The following KCTD3 variants were observed in gnomAD, a reference collection of about 807,000 sequenced individuals.
KCTD3 encodes potassium channel tetramerization domain containing 3.
In KCTD3, 41 loss-of-function variants were observed where a neutral mutation model predicts 85.8. The observed-to-expected ratio is 0.48, with a 90% CI of 0.37 to 0.62. The LOEUF is 0.62. Ranked by LOEUF, KCTD3 falls within the 20% of genes least tolerant of loss-of-function variation. KCTD3 has a pLI of 0.00. For missense variants in KCTD3, 724 were observed against 989.9 expected (o/e 0.73, Z 3.60); for synonymous variants, 338 against 345.4 (o/e 0.98, Z 0.24).
At chr1:215,592,791 C>A (rs1660275050) in intron 9 of KCTD3, among the ~76,000 whole-genome samples, 1 of 152,170 alleles carries the variant, frequency 6.6e-6, no homozygotes, top group African/African-American at 2.4e-5. Flanking sequence ...GCTGAACTCC[C>A]TTCATTATAA....
At chr1:215,619,586 T>G (rs1655584111) in intron 17 of KCTD3, among the ~76,000 whole-genome samples, 2 of 152,184 alleles carry the variant, frequency 1.3e-5, no homozygotes, top group African/African-American at 4.8e-5. Context: ...ACATGTCACC[T>G]TGGTTAGTAT....
intron 15 of KCTD3, among the ~76,000 whole-genome samples, chr1:215,615,979 C>T (rs1426757239): frequency 6.6e-6 from 1 of 152,140 alleles, no homozygotes; most frequent in Non-Finnish European, 1.5e-5. Flanking sequence ...CAGAACCCCT[C>T]TGTAGTGAGG....
At chr1:215,590,763 A>G (rs558211407) in intron 9 of KCTD3, among the ~76,000 whole-genome samples, 1 of 152,218 alleles carries the variant, frequency 6.6e-6, no homozygotes, top group East Asian at 1.9e-4. Context: ...TTAATTTGTT[A>G]AAGTATTTGT....
intron 8 of KCTD3, chr1:215,581,322 G>T (rs1229363453): frequency 2.0e-5 from 3 of 152,934 alleles, no homozygotes; most frequent in Non-Finnish European, 4.4e-5. Context: ...CATGGAAATT[G>T]TTTTTTGCAT....
chr1:215,619,417 T>C (rs1044975496), intron 17 of KCTD3, 126 bp downstream of exon 17: 2 of 802,946 alleles, frequency 2.5e-6, no homozygotes, highest in Non-Finnish European at 3.8e-6. Context: ...ATTCAGACAT[T>C]ATGTTAACTT....
At position 215,620,487 on chromosome 1, in the gene KCTD3, C is replaced by T; in HGVS notation, c.2317C>T (p.Leu773=). The change falls in exon 18 of 18, where the codon CTG becomes TTG. Residue 773 remains leucine, a synonymous_variant. Coordinates refer to ENST00000259154, the MANE Select transcript of KCTD3 (RefSeq NM_016121.5). ...GFLGRKKVPY[L]ASSPSTSDGG... Reference sequence around the variant, plus strand: ...CCTTGGAAGAAAGAAAGTTCCCTATCTGGCGTCATCACCAAGTACTTCCGA... The same window carrying T: ...CCTTGGAAGAAAGAAAGTTCCCTATTTGGCGTCATCACCAAGTACTTCCGA... 6.2e-7 allele frequency: 1 copy of T among 1,613,696 alleles called. No individual in the cohort carries two copies. The highest frequency in any genetic ancestry group is 1.1e-5 in the South Asian group (1 of 91,072).
intron 8 of KCTD3, among the ~76,000 whole-genome samples, chr1:215,584,945 A>G (rs573951724): frequency 7.2e-5 from 11 of 152,306 alleles, no homozygotes; most frequent in African/African-American, 2.6e-4. Flanking sequence ...AAAAGCTGCA[A>G]AATCTCGAAA....
intron 7 of KCTD3, among the ~76,000 whole-genome samples, 156 bp from the exon 8 acceptor site, chr1:215,579,753 C>T (rs1245486361): frequency 1.3e-5 from 2 of 152,180 alleles, no homozygotes; most frequent in Non-Finnish European, 1.5e-5. Flanking sequence ...CCGCCTCGGC[C>T]TCCCAAAGTG....
rs1173142632 is a variant in KCTD3, at chr1:215,604,314, T to C, written c.1309+12T>C. On this transcript the variant is annotated intron_variant, in intron 13 of 17. Transcript: ENST00000259154. ...GCATCTTGTATCAGGTAAAATGATT[T>C]CATTATACTGGTAAGGAACTTGGCT... The C allele has an allele frequency of 1.2e-6, 2 of 1,603,564 alleles. No individual in the cohort carries two copies. The highest frequency in any genetic ancestry group is 1.1e-5 in the South Asian group (1 of 90,722).
At position 215,620,553 on chromosome 1, in the gene KCTD3, A is replaced by C; in HGVS notation, c.2383A>C (p.Thr795Pro). The C allele has an allele frequency of 6.2e-7, 1 of 1,613,578 alleles. No homozygotes were observed. Among genetic ancestry groups the C allele is most frequent in the South Asian group, 1.1e-5 (1 of 90,964 alleles). Residue 795 changes from threonine (T) to proline (P), a missense_variant, in exon 18 of 18, where the codon ACA becomes CCA. Physicochemically the swap from Thr to Pro is conservative, Grantham distance 38. Around this residue, in one of 6 missense-constraint regions of KCTD3, gnomAD observed 222 missense variants for 217.7 expected, o/e 1.02. Coordinates refer to ENST00000259154, the MANE Select transcript of KCTD3 (RefSeq NM_016121.5). ...DSPGTASPSP[T>P]KTTPSPRHKK... ...ACCTGGTACTGCGTCCCCATCTCCT[A>C]CAAAGACTACTCCATCTCCTCGGCA...
chr1:215,582,055 TA>T (rs1659844873), intron 8 of KCTD3, among the ~76,000 whole-genome samples: 1 of 152,212 alleles, frequency 6.6e-6, no homozygotes, highest in Non-Finnish European at 1.5e-5. Flanking sequence ...TAACGAAGAG[TA>T]GTTGTGTGAA....
At chr1:215,579,834 GA>G (rs1161081295) in intron 7 of KCTD3, 74 bp from the exon 8 acceptor site, 1 of 1,016,588 alleles carries the variant, frequency 9.8e-7, no homozygotes, top group African/African-American at 1.6e-5. Flanking sequence ...GCAGAAGGCT[GA>G]AACTGGCCTG....
rs915570605 is a variant in KCTD3 at position 215,571,694 on chromosome 1, G to A, written c.84-2092G>A. 4.0e-5 allele frequency among the ~76,000 whole-genome samples: 6 copies of A among 150,516 alleles called. No individual in the cohort carries two copies. In the East Asian group the frequency reaches 5.9e-4, roughly 15 times the overall value. ...CGCCCATGCTGGAGTGCAGTGGCGC[G>A]ATCTCAGCTCACTGCCAGCTCCACC... On this transcript the variant is annotated intron_variant, in intron 1 of 17. Transcript: ENST00000259154.
chr1:215,619,710 C>A (rs561079956), intron 17 of KCTD3, among the ~76,000 whole-genome samples: 3 of 152,048 alleles, frequency 2.0e-5, no homozygotes, highest in Non-Finnish European at 4.4e-5. Context: ...TCCATAATGT[C>A]TTTTTAGTTA....
intron 3 of KCTD3, among the ~76,000 whole-genome samples, chr1:215,575,058 C>T (rs1659521768): frequency 6.6e-6 from 1 of 152,132 alleles, no homozygotes; most frequent in South Asian, 2.1e-4. Context: ...TCAAGACCAG[C>T]ATGGCCAACA....
chr1:215,577,566 C>A, intron 4 of KCTD3, 104 bp from the exon 5 acceptor site: 7 of 722,686 alleles, frequency 9.7e-6, no homozygotes, highest in South Asian at 3.2e-5. Context: ...ATTTTTAAAG[C>A]CTTATGACTA....
At chr1:215,578,656 A>G (rs1659678679) in intron 6 of KCTD3, among the ~76,000 whole-genome samples, 1 of 152,184 alleles carries the variant, frequency 6.6e-6, no homozygotes, top group Admixed American at 6.5e-5. Context: ...TAAAGCAGTT[A>G]AATTATTACA....
chr1:215,620,578 A>G lies in KCTD3; in HGVS notation c.2408A>G (p.His803Arg). The change falls in exon 18 of 18, where the codon CAT (histidine) becomes CGT (arginine). Residue 803 changes from histidine to arginine, a missense_variant. Coordinates refer to ENST00000259154, the MANE Select transcript of KCTD3 (RefSeq NM_016121.5). The stretch of plus-strand genomic sequence containing the variant: ...ACAAAGACTACTCCATCTCCTCGGC[A>G]TAAAAAAAGTGATTCTTCAGGTCAG... ...SPTKTTPSPR[H>R]KKSDSSGQEY... 6.2e-7 allele frequency: 1 copy of G among 1,607,634 alleles called. No individual in the cohort carries two copies. The highest frequency in any genetic ancestry group is 1.1e-5 in the South Asian group (1 of 89,412).
intron 9 of KCTD3, among the ~76,000 whole-genome samples, chr1:215,594,287 C>T (rs1048503445): frequency 6.6e-5 from 10 of 152,204 alleles, no homozygotes; most frequent in Non-Finnish European, 1.5e-4. Context: ...AACCCTGGTT[C>T]TCCTGACTCC....
Sources: gnomAD v4.1 joint callset for allele counts (sites outside exome capture counted in the v4.1 genomes callset) on GRCh38, gnomAD v4.1.1 for gene constraint, gnomAD v4.1.1 regional missense constraint, MANE v1.5 for transcripts, NCBI Gene and HGNC (gene_info 2026-07-23, HGNC 2026-07-21) for gene names.